Variants in DOCK1 observed in about 807,000 individuals in gnomAD.
DOCK1 encodes dedicator of cytokinesis 1.
In DOCK1, 138 loss-of-function variants were observed where a neutral mutation model predicts 262.7. The observed-to-expected ratio is 0.53, with a 90% confidence interval of 0.46 to 0.61. DOCK1 has a LOEUF of 0.61. Among genes scored for constraint, DOCK1 ranks in the 20% least tolerant of loss-of-function variants. DOCK1 has a pLI of 0.00. For missense variants in DOCK1, 1,908 were observed against 2,370.7 expected (o/e 0.80, Z 4.05); for synonymous variants, 866 against 867.4 (o/e 1.00, Z 0.03).
intron 27 of DOCK1, among the ~76,000 whole-genome samples, chr10:127,179,883 A>G (rs1849403138): frequency 6.6e-6 from 1 of 152,282 alleles, no homozygotes; most frequent in Middle Eastern, 3.4e-3. Flanking sequence ...CCATTCCCCT[A>G]TGCATAGCAG....
chr10:127,333,353 A>G (rs960961033), intron 29 of DOCK1, among the ~76,000 whole-genome samples: 3 of 152,220 alleles, frequency 2.0e-5, no homozygotes, highest in East Asian at 1.9e-4. Context: ...GAGGCTCCTC[A>G]TCTTTCTGTT....
intron 25 of DOCK1, among the ~76,000 whole-genome samples, chr10:127,114,648 A>G (rs1486749076): frequency 6.6e-6 from 1 of 152,138 alleles, no homozygotes; most frequent in Non-Finnish European, 1.5e-5. Flanking sequence ...TTTGGCTAAA[A>G]CTATGGAAAA....
At chr10:127,429,172 C>A (rs1300304799) in intron 47 of DOCK1, among the ~76,000 whole-genome samples, 1 of 152,050 alleles carries the variant, frequency 6.6e-6, no homozygotes, top group Non-Finnish European at 1.5e-5. Context: ...CCATCAACCT[C>A]CCCACCCTTC....
Position 127,082,291 on chromosome 10 carries a change from G to A in DOCK1, c.2445+20515G>A, listed in dbSNP as rs548144029. Among the ~76,000 whole-genome samples, 191 of 152,186 alleles carry A rather than the reference G, an allele frequency of 1.3e-3. 2 individuals carry two copies. Among genetic ancestry groups the A allele is most frequent in the African/African-American group, 4.4e-3 (181 of 41,536 alleles). ...GTCCTGAGAATTGGTGTCTGCCCGG[G>A]TCTGGGTTTGTATTAGTCTATTCTC... On this transcript the variant is annotated intron_variant, in intron 23 of 51. Transcript: ENST00000623213.
At chr10:127,355,428 A>G (rs757252204) in intron 32 of DOCK1, among the ~76,000 whole-genome samples, 2 of 152,134 alleles carry the variant, frequency 1.3e-5, no homozygotes, top group Non-Finnish European at 2.9e-5. Context: ...GTTGAGATGA[A>G]GCTCTCTCTG....
At chr10:127,300,252 A>G (rs564451663) in intron 29 of DOCK1, among the ~76,000 whole-genome samples, 8 of 152,334 alleles carry the variant, frequency 5.3e-5, no homozygotes, top group Middle Eastern at 3.4e-3. Flanking sequence ...TGTTGAAGAC[A>G]GATTAGAAGG....
At chr10:127,083,112 T>C (rs2047001535) in intron 23 of DOCK1, among the ~76,000 whole-genome samples, 1 of 152,194 alleles carries the variant, frequency 6.6e-6, no homozygotes, top group Admixed American at 6.6e-5. Context: ...ATTAAACACA[T>C]AGAGGAGGCA....
At chr10:127,299,589 G>T (rs970699232) in intron 29 of DOCK1, among the ~76,000 whole-genome samples, 1 of 152,244 alleles carries the variant, frequency 6.6e-6, no homozygotes, top group African/African-American at 2.4e-5. Flanking sequence ...ACGGGCTTCA[G>T]AGGGAGCATC....
intron 46 of DOCK1, among the ~76,000 whole-genome samples, chr10:127,422,821 A>G (rs935031386): frequency 1.3e-5 from 2 of 152,218 alleles, no homozygotes; most frequent in African/African-American, 2.4e-5. Flanking sequence ...AACTATTGCT[A>G]TACAAAAACT....
At chr10:126,950,876 T>C (rs1325990394) in intron 1 of DOCK1, among the ~76,000 whole-genome samples, 1 of 152,132 alleles carries the variant, frequency 6.6e-6, no homozygotes. Context: ...GTACTGGTGA[T>C]AGCGGTGGTG....
At chr10:127,293,660 G>A (rs1199103884) in intron 29 of DOCK1, among the ~76,000 whole-genome samples, 1 of 152,186 alleles carries the variant, frequency 6.6e-6, no homozygotes, top group Non-Finnish European at 1.5e-5. Flanking sequence ...CATGGGATGA[G>A]GGCGACTTGC....
chr10:127,315,741 C>T (rs957089847), intron 29 of DOCK1, among the ~76,000 whole-genome samples: 13 of 152,168 alleles, frequency 8.5e-5, no homozygotes, highest in African/African-American at 2.4e-4. Flanking sequence ...CTCTCTCTGT[C>T]GCCCAGGCTG....
intron 11 of DOCK1, among the ~76,000 whole-genome samples, chr10:127,009,293 C>G (rs932122393): frequency 3.9e-5 from 6 of 152,144 alleles, no homozygotes; most frequent in Non-Finnish European, 8.8e-5. Context: ...TGGAGCCTAT[C>G]TGTGTTCGTT....
intron 31 of DOCK1, chr10:127,344,602 AAG>A (rs1398131614): frequency 2.0e-5 from 3 of 152,216 alleles, no homozygotes; most frequent in African/African-American, 7.2e-5. Context: ...AGATTCCAGA[AAG>A]AGTTTCAGAA....
At chr10:127,426,681 C>T (rs1373644298) in intron 47 of DOCK1, among the ~76,000 whole-genome samples, 1 of 152,150 alleles carries the variant, frequency 6.6e-6, no homozygotes, top group Non-Finnish European at 1.5e-5. Flanking sequence ...CACAGGCATG[C>T]TTTGGGCAGA....
At chr10:127,314,112 T>G (rs2062171092) in intron 29 of DOCK1, among the ~76,000 whole-genome samples, 1 of 152,190 alleles carries the variant, frequency 6.6e-6, no homozygotes, top group Admixed American at 6.5e-5. Context: ...CACACTTGAG[T>G]TGATGAGCCT....
intron 38 of DOCK1, among the ~76,000 whole-genome samples, chr10:127,386,953 T>A (rs1443537847): frequency 6.6e-6 from 1 of 152,176 alleles, no homozygotes; most frequent in Non-Finnish European, 1.5e-5. Flanking sequence ...CTCAGCAAAC[T>A]GGTAAAGAAA....
chr10:127,371,435 T>A (rs1052792648), intron 33 of DOCK1, among the ~76,000 whole-genome samples: 1 of 152,224 alleles, frequency 6.6e-6, no homozygotes, highest in African/African-American at 2.4e-5. Flanking sequence ...TAGCTGTAGC[T>A]TCCTCATTGC....
chr10:127,266,546 C>T (rs1464693354), intron 29 of DOCK1, among the ~76,000 whole-genome samples: 2 of 151,748 alleles, frequency 1.3e-5, no homozygotes, highest in South Asian at 2.1e-4. Context: ...TTGCTTTGCA[C>T]TGAGAGATGT....
Sources: gnomAD v4.1 joint callset for allele counts (sites outside exome capture counted in the v4.1 genomes callset) on GRCh38, gnomAD v4.1.1 for gene constraint, MANE v1.5 for transcripts, NCBI Gene and HGNC (gene_info 2026-07-23, HGNC 2026-07-21) for gene names.